The following TRAPPC9 variants were observed in gnomAD, a reference collection of about 807,000 sequenced individuals.
TRAPPC9 encodes the protein IKK2 binding protein.
A neutral mutation model predicts 124.0 loss-of-function variants in TRAPPC9; 83 were observed. The ratio of observed to expected loss-of-function variants is 0.67; its 90% CI spans 0.56 to 0.80. The LOEUF (loss-of-function observed/expected upper bound fraction) is 0.80, where lower values mean the gene tolerates loss of function less well. Ranked by LOEUF, TRAPPC9 falls within the 30% of genes least tolerant of loss-of-function variation. TRAPPC9 has a pLI of 0.00. For synonymous variants in TRAPPC9, 638 were observed against 617.5 expected, an observed-to-expected ratio of 1.03 and a Z score of -0.49; for missense variants, 1,302 against 1,508.3, an observed-to-expected ratio of 0.86 and a Z score of 2.27.
At chr8:140,206,756 C>CATATATATATATATATAT (rs150660269) in intron 17 of TRAPPC9, among the ~76,000 whole-genome samples, 8 of 145,832 alleles carry the variant, frequency 5.5e-5, no homozygotes, top group African/African-American at 2.1e-4. Context: ...CATATACATA[C>CATATATATATATATATAT]ATATATATAT....
At position 140,371,182 on chromosome 8, in the gene TRAPPC9, TG is replaced by T. The variant is rs763055138; in HGVS notation, c.1135-3del. ...CTGAATTTTCTCTTCCTCAGAAAGC[TG>T]AAGCACAGAGAGAAAGTAAAAAGCT... On this transcript the variant is annotated splice_polypyrimidine_tract_variant and splice_region_variant and intron_variant, in intron 7 of 22. Coordinates refer to ENST00000438773, the MANE Select transcript of TRAPPC9 (RefSeq NM_001160372.4). The T allele has an allele frequency of 1.2e-6, 2 of 1,609,336 alleles. No individual in the cohort carries two copies. Among genetic ancestry groups the T allele is most frequent in the African/African-American group, 2.7e-5 (2 of 74,854 alleles).
chr8:140,395,966 C>A (rs1359004760), intron 7 of TRAPPC9, among the ~76,000 whole-genome samples: 3 of 152,066 alleles, frequency 2.0e-5, no homozygotes, highest in Admixed American at 2.0e-4. Flanking sequence ...CGTAGACTCC[C>A]AAGCACGTTT....
At chr8:139,970,041 A>G (rs1835963118) in intron 19 of TRAPPC9, among the ~76,000 whole-genome samples, 1 of 152,260 alleles carries the variant, frequency 6.6e-6, no homozygotes, top group African/African-American at 2.4e-5. Context: ...AAGGAAAGAC[A>G]GCAATTTTTC....
chr8:140,269,182 G>A (rs2131596913), intron 15 of TRAPPC9, among the ~76,000 whole-genome samples: 1 of 152,268 alleles, frequency 6.6e-6, no homozygotes, highest in Middle Eastern at 3.4e-3. Context: ...TGGTACATGT[G>A]CTACAGCATT....
intron 21 of TRAPPC9, among the ~76,000 whole-genome samples, chr8:139,810,721 G>A (rs906875277): frequency 6.6e-6 from 1 of 152,184 alleles, no homozygotes; most frequent in Non-Finnish European, 1.5e-5. Context: ...ATGAATTATG[G>A]GGAGGGGCAG....
intron 18 of TRAPPC9, among the ~76,000 whole-genome samples, chr8:140,017,109 CCT>C (rs1839521842): frequency 1.3e-5 from 2 of 152,114 alleles, no homozygotes; most frequent in Non-Finnish European, 2.9e-5. Flanking sequence ...CTATTTATCA[CCT>C]TTTTAGAATT....
intron 17 of TRAPPC9, among the ~76,000 whole-genome samples, chr8:140,085,583 C>T (rs28728391): frequency 0.018 from 2,756 of 152,304 alleles, 98 homozygotes; most frequent in African/African-American, 0.063. Flanking sequence ...CTGAAGCCGA[C>T]GTGCTGGAGG....
chr8:140,289,173 T>C (rs1320059821), intron 12 of TRAPPC9, among the ~76,000 whole-genome samples: 1 of 110,466 alleles, frequency 9.1e-6, no homozygotes, highest in Non-Finnish European at 1.8e-5. Context: ...GATATATATA[T>C]AGTGTGTGTG....
At chr8:140,046,013 T>A (rs1463593130) in intron 17 of TRAPPC9, among the ~76,000 whole-genome samples, 1 of 151,766 alleles carries the variant, frequency 6.6e-6, no homozygotes, top group Non-Finnish European at 1.5e-5. Context: ...ATCTGGAGAC[T>A]CTTTTTTTAA....
chr8:140,253,252 T>G (rs1318153558), intron 15 of TRAPPC9, among the ~76,000 whole-genome samples: 1 of 152,126 alleles, frequency 6.6e-6, no homozygotes, highest in African/African-American at 2.4e-5. Context: ...ATAAACTAAA[T>G]CAGAGTTAAA....
At chr8:139,898,263 G>A (rs968954000) in intron 20 of TRAPPC9, among the ~76,000 whole-genome samples, 21 of 152,314 alleles carry the variant, frequency 1.4e-4, no homozygotes, top group African/African-American at 4.3e-4. Context: ...CCACGGTAGC[G>A]CCAGCCACCC....
At position 140,344,034 on chromosome 8, in the gene TRAPPC9, C is replaced by A. The variant is rs566964454; in HGVS notation, c.1495+16016G>T. Among the ~76,000 whole-genome samples the A allele has an allele frequency of 3.9e-5, 6 of 152,198 alleles. No individual in the cohort carries two copies. The East Asian group carries it at 5.8e-4, about 15-fold the overall frequency. On this transcript the variant is annotated intron_variant, in intron 9 of 22. Transcript: ENST00000438773. The stretch of plus-strand genomic sequence containing the variant: ...TATGGTCTGAACGTCTGTGTCCCCC[C>A]AAATTCACGTTATACCCTAACTCCC...
intron 17 of TRAPPC9, among the ~76,000 whole-genome samples, chr8:140,083,256 T>G (rs933172421): frequency 6.6e-6 from 1 of 152,174 alleles, no homozygotes; most frequent in Non-Finnish European, 1.5e-5. Flanking sequence ...CCTAATAATA[T>G]GACCAGGAAA....
intron 2 of TRAPPC9, among the ~76,000 whole-genome samples, chr8:140,443,768 G>A (rs2071132817): frequency 6.6e-6 from 1 of 152,098 alleles, no homozygotes; most frequent in African/African-American, 2.4e-5. Flanking sequence ...CGGGCATGGT[G>A]GCTCACGCCT....
At chr8:140,177,504 C>T (rs2062096538) in intron 17 of TRAPPC9, among the ~76,000 whole-genome samples, 1 of 152,066 alleles carries the variant, frequency 6.6e-6, no homozygotes, top group South Asian at 2.1e-4. Flanking sequence ...TTCCATTAAT[C>T]TATGTTTATC....
chr8:139,837,021 C>G (rs1007451591), intron 21 of TRAPPC9, among the ~76,000 whole-genome samples: 2 of 152,126 alleles, frequency 1.3e-5, no homozygotes, highest in Non-Finnish European at 2.9e-5. Flanking sequence ...CTTGTGAGAC[C>G]TGGAACAAGG....
intron 9 of TRAPPC9, among the ~76,000 whole-genome samples, chr8:140,354,943 G>T (rs1174433285): frequency 6.6e-6 from 1 of 152,118 alleles, no homozygotes; most frequent in Non-Finnish European, 1.5e-5. Flanking sequence ...TTTCTCAGAC[G>T]ACTCCAATTA....
At chr8:140,280,648 G>A (rs1453665888) in intron 14 of TRAPPC9, among the ~76,000 whole-genome samples, 1 of 151,824 alleles carries the variant, frequency 6.6e-6, no homozygotes, top group Non-Finnish European at 1.5e-5. Flanking sequence ...TGGTCAGGCT[G>A]GTCTCCAACT....
At chr8:140,349,216 C>T (rs1359923026) in intron 9 of TRAPPC9, among the ~76,000 whole-genome samples, 4 of 87,788 alleles carry the variant, frequency 4.6e-5, no homozygotes, top group Non-Finnish European at 9.2e-5. Flanking sequence ...GAGGGAAGGG[C>T]ACAGAAGGGG....
Sources: gnomAD v4.1 joint callset for allele counts (sites outside exome capture counted in the v4.1 genomes callset) on GRCh38, gnomAD v4.1.1 for gene constraint, MANE v1.5 for transcripts, NCBI Gene and HGNC (gene_info 2026-07-23, HGNC 2026-07-21) for gene names.